Variants in CDK6 observed in about 807,000 individuals in gnomAD.
The protein encoded by CDK6 is cyclin-dependent kinase 6.
Under a neutral mutation model 37.1 loss-of-function variants are expected in CDK6, and 6 were observed. That is an observed-to-expected ratio of 0.16 (90% CI 0.09 to 0.32). The LOEUF (loss-of-function observed/expected upper bound fraction) is 0.32. Ranked by LOEUF, CDK6 falls within the 10% of genes least tolerant of loss-of-function variation. The pLI, the probability that CDK6 is intolerant of heterozygous loss-of-function variation, is 1.00. For missense variants in CDK6, 224 were observed against 418.9 expected (o/e 0.53, Z 4.06); for synonymous variants, 160 against 161.3 (o/e 0.99, Z 0.06).
chr7:92,689,473 C>T (rs1172871388), intron 4 of CDK6, among the ~76,000 whole-genome samples: 1 of 152,180 alleles, frequency 6.6e-6, no homozygotes, highest in Admixed American at 6.5e-5. Context: ...ATATGTACCA[C>T]ATTTTCTTTA....
chr7:92,731,084 G>A (rs549375025), intron 3 of CDK6, among the ~76,000 whole-genome samples: 3 of 149,988 alleles, frequency 2.0e-5, no homozygotes, highest in South Asian at 4.3e-4. Context: ...TCTGCATTCT[G>A]GGAGAATCTA....
rs116803887 is a variant in CDK6 at position 92,648,127 on chromosome 7, G to A, written c.647+23299C>T. Among the ~76,000 whole-genome samples the A allele has an allele frequency of 3.0e-3, 457 of 152,210 alleles. 1 individual carries two copies. The highest frequency in any genetic ancestry group is 0.011 in the African/African-American group (439 of 41,536). ...TGTGTGTGTGTAAGTGTGTTCGTGC[G>A]TGCTTGCAGGTGTCATCTGCCCCCC... On this transcript the variant is annotated intron_variant, in intron 5 of 7. Coordinates refer to ENST00000424848, the MANE Select transcript of CDK6 (RefSeq NM_001145306.2).
chr7:92,831,772 T>C (rs893044179), intron 2 of CDK6, among the ~76,000 whole-genome samples: 2 of 152,176 alleles, frequency 1.3e-5, no homozygotes, highest in Admixed American at 6.5e-5. Flanking sequence ...CTAAACTGCG[T>C]TGGGAACAAA....
intron 3 of CDK6, among the ~76,000 whole-genome samples, chr7:92,750,956 T>C (rs1236560142): frequency 2.0e-5 from 3 of 152,208 alleles, no homozygotes; most frequent in African/African-American, 7.2e-5. Flanking sequence ...GCTAAACTAC[T>C]ACACGATTTA....
intron 2 of CDK6, among the ~76,000 whole-genome samples, chr7:92,778,478 G>C (rs944285555): frequency 2.6e-5 from 4 of 152,108 alleles, no homozygotes; most frequent in Admixed American, 6.5e-5. Context: ...CTAAAAATAT[G>C]ATTGCTATCA....
chr7:92,810,984 T>C (rs1389769669), intron 2 of CDK6, among the ~76,000 whole-genome samples: 1 of 151,808 alleles, frequency 6.6e-6, no homozygotes, highest in Non-Finnish European at 1.5e-5. Flanking sequence ...GAGAATTGCT[T>C]GAACCCAGGA....
At chr7:92,717,847 C>T (rs892447718) in intron 4 of CDK6, among the ~76,000 whole-genome samples, 6 of 152,240 alleles carry the variant, frequency 3.9e-5, no homozygotes, top group Admixed American at 6.5e-5. Context: ...CAGCAGCTTT[C>T]TGTGCAGTAT....
intron 5 of CDK6, among the ~76,000 whole-genome samples, chr7:92,651,110 G>T (rs937977406): frequency 1.3e-5 from 2 of 152,188 alleles, no homozygotes; most frequent in Admixed American, 1.3e-4. Context: ...GGCTGGTCTC[G>T]ATCTCCTGAC....
At chr7:92,755,114 G>A (rs937216400) in intron 3 of CDK6, among the ~76,000 whole-genome samples, 3 of 152,144 alleles carry the variant, frequency 2.0e-5, no homozygotes, top group Non-Finnish European at 2.9e-5. Context: ...TCAGCAGAGC[G>A]TGGGATAATA....
At chr7:92,804,042 T>C (rs187009272) in intron 2 of CDK6, among the ~76,000 whole-genome samples, 1 of 152,318 alleles carries the variant, frequency 6.6e-6, no homozygotes, top group Admixed American at 6.5e-5. Flanking sequence ...TATAGATTAG[T>C]GACATTTTAT....
At position 92,613,034 on chromosome 7, in the gene CDK6, C is replaced by T. The variant is rs1795596706; in HGVS notation, c.*2106G>A. 1 of 233,026 alleles carries T rather than the reference C, an allele frequency of 4.3e-6. No homozygotes were observed. Among genetic ancestry groups the T allele is most frequent in the African/African-American group, 2.2e-5 (1 of 45,340 alleles). 14.4% of individuals were successfully genotyped at this position (233,026 alleles called of 1,614,324 possible). On this transcript the variant is annotated 3_prime_UTR_variant, in exon 8 of 8. Transcript: ENST00000424848. ...TCTCAAGCATTTATAGTACTGACAA[C>T]ACCTAATCAATGTTGTCACAACGAA...
At chr7:92,670,736 A>G (rs1797054556) in intron 5 of CDK6, among the ~76,000 whole-genome samples, 1 of 152,230 alleles carries the variant, frequency 6.6e-6, no homozygotes, top group Non-Finnish European at 1.5e-5. Context: ...AACATCACCA[A>G]TGTGTGGAGG....
intron 5 of CDK6, among the ~76,000 whole-genome samples, chr7:92,644,821 G>A (rs1344574077): frequency 6.6e-6 from 1 of 152,224 alleles, no homozygotes; most frequent in Admixed American, 6.5e-5. Context: ...GTCTGCCAGT[G>A]GAACTCCACA....
At chr7:92,734,479 A>G (rs1215711121) in intron 3 of CDK6, among the ~76,000 whole-genome samples, 1 of 152,168 alleles carries the variant, frequency 6.6e-6, no homozygotes, top group East Asian at 1.9e-4. Flanking sequence ...TTACTCATTT[A>G]CTGCCCCATG....
chr7:92,654,136 C>T (rs1206654772), intron 5 of CDK6, among the ~76,000 whole-genome samples: 1 of 151,328 alleles, frequency 6.6e-6, no homozygotes. Context: ...TTCCACTTAT[C>T]ATTGGTCTCT....
intron 3 of CDK6, among the ~76,000 whole-genome samples, chr7:92,729,133 A>G (rs992056648): frequency 3.9e-5 from 6 of 152,226 alleles, no homozygotes; most frequent in Non-Finnish European, 8.8e-5. Context: ...CACCTTTCCT[A>G]CAGAATCACA....
intron 5 of CDK6, among the ~76,000 whole-genome samples, chr7:92,659,970 T>A (rs1237636106): frequency 6.6e-6 from 1 of 152,208 alleles, no homozygotes; most frequent in Non-Finnish European, 1.5e-5. Flanking sequence ...GAGAAATCTC[T>A]GGACTATGCA....
Position 92,834,412 on chromosome 7 carries a change from G to A in CDK6, c.-367-722C>T, listed in dbSNP as rs183077338. On this transcript the variant is annotated intron_variant, in intron 1 of 7. Transcript: ENST00000424848. This position sits in a 1 kb window ranked among gnomAD's most constrained non-coding sequence, Gnocchi z 4.6. Reference sequence around the variant, plus strand: ...ACGGAATTCTCTCTCCGGCTGGGAGGACCTCCCTGGTGGAAACCTTGGGAA... The same window carrying A: ...ACGGAATTCTCTCTCCGGCTGGGAGAACCTCCCTGGTGGAAACCTTGGGAA... Among the ~76,000 whole-genome samples, 16 of 150,864 alleles carry A rather than the reference G, an allele frequency of 1.1e-4. No individual in the cohort carries two copies. The highest frequency in any genetic ancestry group is 3.9e-4 in the African/African-American group (16 of 41,116).
At chr7:92,680,835 C>T (rs999257154) in intron 4 of CDK6, among the ~76,000 whole-genome samples, 9 of 152,214 alleles carry the variant, frequency 5.9e-5, no homozygotes, top group African/African-American at 1.7e-4. Context: ...TCAAGCCTCA[C>T]TCACATATTG....
Sources: allele counts gnomAD v4.1 joint callset (sites outside exome capture counted in the v4.1 genomes callset), GRCh38; gene constraint gnomAD v4.1.1; non-coding constraint Gnocchi (gnomAD v3.1); transcripts MANE v1.5; gene names NCBI Gene and HGNC (gene_info 2026-07-23, HGNC 2026-07-21).